Variants in RIC1 observed in about 807,000 individuals in gnomAD.
The protein encoded by RIC1 is RIC1 partner of RAB6A GEF complex, also known as guanine nucleotide exchange factor subunit RIC1.
Under a neutral mutation model 169.0 loss-of-function variants are expected in RIC1, and 88 were observed. That is an observed-to-expected ratio of 0.52 (90% CI 0.44 to 0.62). RIC1 has a LOEUF of 0.62. Ranked by LOEUF, RIC1 falls within the 20% of genes least tolerant of loss-of-function variation. The pLI, the probability that RIC1 is intolerant of heterozygous loss-of-function variation, is 0.00. For missense variants in RIC1, 1,877 were observed against 1,725.5 expected, an observed-to-expected ratio of 1.09 and a Z score of -1.56; for synonymous variants, 790 against 601.5, an observed-to-expected ratio of 1.31 and a Z score of -4.59.
At chr9:5,677,506 G>A (rs1360612562) in intron 2 of RIC1, among the ~76,000 whole-genome samples, 4 of 152,062 alleles carry the variant, frequency 2.6e-5, no homozygotes, top group Admixed American at 2.6e-4. Context: ...CTACATATGT[G>A]TGGGTTTACT....
intron 13 of RIC1, 63 bp downstream of exon 13, chr9:5,753,301 G>T: frequency 1.4e-6 from 2 of 1,431,762 alleles, no homozygotes; most frequent in South Asian, 1.1e-5. Context: ...GAGGCATTCT[G>T]GGAAGAGCCC....
In RIC1 at chr9:5,762,318, T is replaced by A. The variant is rs544527905; in HGVS notation, c.1993-223T>A. 3.9e-5 allele frequency among the ~76,000 whole-genome samples: 6 copies of A among 152,340 alleles called. No individual in the cohort carries two copies. The East Asian group carries it at 1.2e-3, about 29-fold the overall frequency. ...TAATTCAACTCTGCCCTCAATCTTA[T>A]GTCACTGGTGGTGTTCATTAATTGC... On this transcript the variant is annotated intron_variant, in intron 17 of 25. Coordinates refer to ENST00000414202, the MANE Select transcript of RIC1 (RefSeq NM_020829.4).
intron 21 of RIC1, among the ~76,000 whole-genome samples, chr9:5,767,413 A>G (rs999508370): frequency 1.3e-5 from 2 of 149,644 alleles, no homozygotes; most frequent in African/African-American, 2.5e-5. Flanking sequence ...ATTCCTTCCT[A>G]TGTTCTTCTG....
At chr9:5,698,428 G>A (rs950044572) in intron 3 of RIC1, among the ~76,000 whole-genome samples, 1 of 152,078 alleles carries the variant, frequency 6.6e-6, no homozygotes, top group Non-Finnish European at 1.5e-5. Flanking sequence ...GGCCCTTTAA[G>A]GGCCACTCAT....
chr9:5,734,746 A>G (rs1010536806), intron 7 of RIC1, among the ~76,000 whole-genome samples: 1 of 152,182 alleles, frequency 6.6e-6, no homozygotes, highest in Non-Finnish European at 1.5e-5. Flanking sequence ...TAACTGGTCA[A>G]CATTGTGAGA....
intron 6 of RIC1, among the ~76,000 whole-genome samples, chr9:5,729,282 G>A (rs778624006): frequency 6.6e-6 from 1 of 152,148 alleles, no homozygotes; most frequent in East Asian, 1.9e-4. Flanking sequence ...TTTTCCGTAG[G>A]AGTGGAGGTA....
chr9:5,767,787 G>A (rs575379570), intron 21 of RIC1, among the ~76,000 whole-genome samples: 15 of 151,992 alleles, frequency 9.9e-5, no homozygotes, highest in South Asian at 2.1e-4. Flanking sequence ...GGGTTTCTCC[G>A]TATTGGTCAG....
At chr9:5,723,698 C>A (rs1408883102) in intron 6 of RIC1, among the ~76,000 whole-genome samples, 1 of 152,168 alleles carries the variant, frequency 6.6e-6, no homozygotes, top group Non-Finnish European at 1.5e-5. Context: ...TTAGGTCCAA[C>A]ATTTAAGTCT....
chr9:5,705,456 T>A lies in RIC1; in HGVS notation c.333-8440T>A, dbSNP rs185753678. 4.9e-4 allele frequency among the ~76,000 whole-genome samples: 75 copies of A among 152,274 alleles called. 1 individual carries two copies. The East Asian group carries it at 0.01, about 21-fold the overall frequency. Reference sequence around the variant, plus strand: ...TTTTCTGAAATTTTTATTGCTAGCGTAGAGAAATATATACGATTTCTGTGT... The same window carrying A: ...TTTTCTGAAATTTTTATTGCTAGCGAAGAGAAATATATACGATTTCTGTGT... On this transcript the variant is annotated intron_variant, in intron 3 of 25. Transcript: ENST00000414202.
intron 17 of RIC1, among the ~76,000 whole-genome samples, chr9:5,759,448 A>T (rs370357676): frequency 2.0e-5 from 3 of 152,342 alleles, no homozygotes; most frequent in East Asian, 3.9e-4. Flanking sequence ...AATCTTCTAG[A>T]TTAAATAAGA....
chr9:5,648,156 G>C (rs574165346), intron 1 of RIC1, among the ~76,000 whole-genome samples: 6 of 152,170 alleles, frequency 3.9e-5, no homozygotes, highest in African/African-American at 1.4e-4. Context: ...CTAATTTCTT[G>C]TATTTTTAGT....
intron 11 of RIC1, 80 bp downstream of exon 11, chr9:5,746,163 G>A (rs956014574): frequency 2.0e-5 from 20 of 1,008,962 alleles, no homozygotes; most frequent in Middle Eastern, 3.4e-4. Flanking sequence ...TATGTATGGC[G>A]TATACTTCTA....
chr9:5,776,751 G>A (rs1827610561), downstream of RIC1, among the ~76,000 whole-genome samples: 1 of 151,796 alleles, frequency 6.6e-6, no homozygotes, highest in South Asian at 2.1e-4. Flanking sequence ...AATACTGGAG[G>A]AAACAGCCCA....
At chr9:5,672,753 G>C (rs937567980) in intron 2 of RIC1, among the ~76,000 whole-genome samples, 1 of 151,988 alleles carries the variant, frequency 6.6e-6, no homozygotes, top group Non-Finnish European at 1.5e-5. Flanking sequence ...TGTGGAAAAA[G>C]TTTAATGAAA....
intron 1 of RIC1, among the ~76,000 whole-genome samples, chr9:5,650,024 C>T (rs1473984796): frequency 6.6e-5 from 10 of 152,100 alleles, no homozygotes; most frequent in Non-Finnish European, 1.3e-4. Flanking sequence ...TGAAGTTCTC[C>T]TGGGCAGTGG....
intron 4 of RIC1, 35 bp from the exon 5 acceptor site, chr9:5,720,147 A>AT (rs1411751939): frequency 3.8e-6 from 6 of 1,568,204 alleles, no homozygotes; most frequent in Non-Finnish European, 4.4e-6. Context: ...CTTTCCCAGT[A>AT]TGCTCTCTTA....
At chr9:5,726,757 A>G (rs549637807) in intron 6 of RIC1, among the ~76,000 whole-genome samples, 2 of 152,350 alleles carry the variant, frequency 1.3e-5, no homozygotes, top group Admixed American at 1.3e-4. Context: ...TGGTGGTGAC[A>G]AAATCTCTCA....
intron 1 of RIC1, among the ~76,000 whole-genome samples, chr9:5,655,151 C>T (rs904584541): frequency 6.6e-6 from 1 of 152,144 alleles, no homozygotes; most frequent in African/African-American, 2.4e-5. Flanking sequence ...GACATCCTTC[C>T]CTTGTTCCTG....
intron 1 of RIC1, among the ~76,000 whole-genome samples, chr9:5,646,248 C>G (rs532988397): frequency 1.3e-5 from 2 of 152,012 alleles, no homozygotes; most frequent in African/African-American, 4.8e-5. Flanking sequence ...AAGTTCTTTG[C>G]CCATTGTTTT....
Sources: allele counts gnomAD v4.1 joint callset (sites outside exome capture counted in the v4.1 genomes callset), GRCh38; gene constraint gnomAD v4.1.1; transcripts MANE v1.5; gene names NCBI Gene and HGNC (gene_info 2026-07-23, HGNC 2026-07-21).